NTRK2: variants seen among roughly 807,000 people sequenced by gnomAD.
NTRK2 encodes the protein BDNF/NT-3 growth factors receptor.
NTRK2 carries 13 observed loss-of-function variants against 94.5 expected under a neutral mutation model. The observed-to-expected ratio is 0.14, with a 90% CI of 0.09 to 0.22. The LOEUF (loss-of-function observed/expected upper bound fraction) is 0.22, where lower values mean the gene tolerates loss of function less well. Ranked by LOEUF, NTRK2 falls within the 10% of genes least tolerant of loss-of-function variation. NTRK2 has a pLI of 1.00. For synonymous variants in NTRK2, 372 were observed against 407.4 expected, an observed-to-expected ratio of 0.91 and a Z score of 1.05; for missense variants, 639 against 1,071.2, an observed-to-expected ratio of 0.60 and a Z score of 5.63.
intron 14 of NTRK2, chr9:84,873,219 C>A (rs200969461): frequency 6.7e-5 from 71 of 1,061,474 alleles, no homozygotes; most frequent in Non-Finnish European, 8.0e-5. Flanking sequence ...AATGTTTTGT[C>A]TTTCAAAAAT....
intron 14 of NTRK2, among the ~76,000 whole-genome samples, chr9:84,867,632 AG>A (rs1238542527): frequency 6.6e-6 from 1 of 152,184 alleles, no homozygotes; most frequent in East Asian, 1.9e-4. Flanking sequence ...CCTGCTGGGA[AG>A]GGAACTGTGG....
chr9:84,783,819 G>C (rs573687033), intron 12 of NTRK2, among the ~76,000 whole-genome samples: 1 of 151,974 alleles, frequency 6.6e-6, no homozygotes, highest in Non-Finnish European at 1.5e-5. Flanking sequence ...GCTGGGTTGT[G>C]GGGGCAGGGC....
At chr9:84,774,763 T>C (rs551933647) in intron 12 of NTRK2, among the ~76,000 whole-genome samples, 1 of 152,334 alleles carries the variant, frequency 6.6e-6, no homozygotes, top group South Asian at 2.1e-4. Context: ...AAAGTGTATT[T>C]AACCACAGAA....
intron 12 of NTRK2, among the ~76,000 whole-genome samples, chr9:84,779,325 C>T (rs1036271595): frequency 2.0e-5 from 3 of 152,086 alleles, no homozygotes; most frequent in African/African-American, 4.8e-5. Context: ...GGGGCTTGTT[C>T]TCCTGCATAA....
intron 12 of NTRK2, chr9:84,813,401 A>G (rs1317945400): frequency 4.7e-6 from 5 of 1,061,758 alleles, no homozygotes; most frequent in Non-Finnish European, 5.7e-6. Context: ...TTTGTAAGCC[A>G]ACAAAAGTCT....
chr9:84,741,550 G>A (rs980593354), intron 9 of NTRK2, among the ~76,000 whole-genome samples: 3 of 152,230 alleles, frequency 2.0e-5, no homozygotes, highest in Non-Finnish European at 4.4e-5. Context: ...TAAAAATACC[G>A]AAACTGCAAT....
At chr9:84,722,217 A>G (rs952711108) in intron 6 of NTRK2, among the ~76,000 whole-genome samples, 10 of 101,072 alleles carry the variant, frequency 9.9e-5, no homozygotes, top group African/African-American at 4.1e-4. Flanking sequence ...ATTGGTCTCT[A>G]TTGGATGCTT....
chr9:84,750,572 C>T (rs912673641), intron 11 of NTRK2, among the ~76,000 whole-genome samples: 1 of 152,206 alleles, frequency 6.6e-6, no homozygotes, highest in Admixed American at 6.5e-5. Flanking sequence ...CAGCTGCTGC[C>T]ATTGTAAATA....
At chr9:84,959,519 G>A (rs912121018) in intron 17 of NTRK2, among the ~76,000 whole-genome samples, 8 of 152,284 alleles carry the variant, frequency 5.3e-5, no homozygotes, top group Middle Eastern at 6.8e-3. Flanking sequence ...CTGTTCTTTC[G>A]TTACAGGGGA....
intron 4 of NTRK2, among the ~76,000 whole-genome samples, chr9:84,705,426 C>T (rs2060986838): frequency 6.6e-6 from 1 of 152,140 alleles, no homozygotes; most frequent in Non-Finnish European, 1.5e-5. Flanking sequence ...TTTTTTCCCT[C>T]CCCTCTTCCT....
chr9:84,732,186 G>C (rs2062938238), intron 9 of NTRK2, among the ~76,000 whole-genome samples: 1 of 152,118 alleles, frequency 6.6e-6, no homozygotes, highest in African/African-American at 2.4e-5. Context: ...GTGACAATCA[G>C]ACTACAGGAG....
intron 14 of NTRK2, among the ~76,000 whole-genome samples, chr9:84,882,673 T>TC (rs1399709859): frequency 6.6e-6 from 1 of 152,016 alleles, no homozygotes; most frequent in Admixed American, 6.6e-5. Flanking sequence ...CCTGTGTTTT[T>TC]CACTGTGTCA....
chr9:84,892,549 C>T (rs2076624620), intron 14 of NTRK2, among the ~76,000 whole-genome samples: 1 of 152,234 alleles, frequency 6.6e-6, no homozygotes, highest in Admixed American at 6.5e-5. Flanking sequence ...AGTGCATCAT[C>T]AGTCCATCCA....
intron 17 of NTRK2, among the ~76,000 whole-genome samples, chr9:84,998,812 A>T (rs1456664520): frequency 6.6e-6 from 1 of 152,224 alleles, no homozygotes; most frequent in East Asian, 1.9e-4. Flanking sequence ...GACCTCATTT[A>T]CACATGATAC....
At chr9:84,956,272 A>G (rs1824112244) in intron 17 of NTRK2, among the ~76,000 whole-genome samples, 1 of 152,216 alleles carries the variant, frequency 6.6e-6, no homozygotes, top group Admixed American at 6.5e-5. Flanking sequence ...GTTCCTAGAC[A>G]CTTCCACACA....
At chr9:84,967,123 A>C (rs1450982825) in intron 17 of NTRK2, among the ~76,000 whole-genome samples, 1 of 152,206 alleles carries the variant, frequency 6.6e-6, no homozygotes, top group Admixed American at 6.5e-5. Context: ...CTCTTCTCTC[A>C]TCCTGGGAGG....
At chr9:84,749,224 G>A (rs1033878115) in intron 11 of NTRK2, among the ~76,000 whole-genome samples, 34 of 150,868 alleles carry the variant, frequency 2.3e-4, no homozygotes, top group African/African-American at 5.1e-4. Context: ...GCGAAACTCC[G>A]TCTCAAAAAA....
chr9:84,811,747 T>C, intron 12 of NTRK2: 1 of 1,065,608 alleles, frequency 9.4e-7, no homozygotes, highest in Non-Finnish European at 1.1e-6. Flanking sequence ...TCCTTCTTCA[T>C]TGCTGAGAGG....
intron 17 of NTRK2, among the ~76,000 whole-genome samples, chr9:84,970,686 A>G (rs1238773874): frequency 6.6e-6 from 1 of 152,164 alleles, no homozygotes; most frequent in Non-Finnish European, 1.5e-5. Context: ...AAGGAACTTT[A>G]CCCAAGAGCC....
Sources: gnomAD v4.1 joint callset for allele counts (sites outside exome capture counted in the v4.1 genomes callset) on GRCh38, gnomAD v4.1.1 for gene constraint, MANE v1.5 for transcripts, NCBI Gene and HGNC (gene_info 2026-07-23, HGNC 2026-07-21) for gene names.